Variants in BTF3L4 observed in about 807,000 individuals in gnomAD.
BTF3L4 encodes the protein basic transcription factor 3 like 4.
Under a neutral mutation model 16.8 loss-of-function variants are expected in BTF3L4, and 6 were observed. That is an observed-to-expected ratio of 0.36 (90% CI 0.20 to 0.71). BTF3L4 has a LOEUF of 0.71. Among genes scored for constraint, BTF3L4 ranks in the 30% least tolerant of loss-of-function variants. The probability of loss-of-function intolerance (pLI) is 0.58; values close to 1 mark genes in which losing one functional copy is unlikely to be tolerated. For missense variants in BTF3L4, 92 were observed against 186.9 expected, an observed-to-expected ratio of 0.49 and a Z score of 2.96; for synonymous variants, 39 against 59.8, an observed-to-expected ratio of 0.65 and a Z score of 1.60.
intron 3 of BTF3L4, among the ~76,000 whole-genome samples, chr1:52,082,662 C>G (rs1356330910): frequency 1.3e-5 from 2 of 151,830 alleles, no homozygotes; most frequent in Non-Finnish European, 2.9e-5. Flanking sequence ...TGGTTAGAAC[C>G]TGGGAGGCAG....
intron 3 of BTF3L4, among the ~76,000 whole-genome samples, chr1:52,082,267 T>G (rs1643931435): frequency 6.6e-6 from 1 of 152,170 alleles, no homozygotes; most frequent in African/African-American, 2.4e-5. Context: ...AGGCAATGGA[T>G]GAAATCAAAT....
intron 2 of BTF3L4, among the ~76,000 whole-genome samples, chr1:52,064,503 T>C (rs1053724841): frequency 2.0e-5 from 3 of 152,222 alleles, no homozygotes; most frequent in African/African-American, 4.8e-5. Flanking sequence ...TGTTATAAAG[T>C]ATTTAAATTG....
chr1:52,082,296 G>T (rs1287664973), intron 3 of BTF3L4, among the ~76,000 whole-genome samples: 2 of 152,184 alleles, frequency 1.3e-5, no homozygotes, highest in African/African-American at 4.8e-5. Flanking sequence ...GTTCATATTG[G>T]TGAAAGTTAT....
At chr1:52,076,706 G>A (rs889715989) in intron 3 of BTF3L4, among the ~76,000 whole-genome samples, 4 of 152,146 alleles carry the variant, frequency 2.6e-5, no homozygotes, top group African/African-American at 9.7e-5. Flanking sequence ...CTTAATAATA[G>A]CCATTAGAAA....
intron 3 of BTF3L4, among the ~76,000 whole-genome samples, chr1:52,082,132 A>T (rs529902351): frequency 2.0e-5 from 3 of 152,346 alleles, no homozygotes; most frequent in African/African-American, 7.2e-5. Context: ...TAGTGGAATC[A>T]CGTTATTCAC....
At position 52,089,290 on chromosome 1, in the gene BTF3L4, C is replaced by G. The variant is rs2124453644; in HGVS notation, c.*2532C>G. On this transcript the variant is annotated 3_prime_UTR_variant, in exon 6 of 6. Transcript: ENST00000313334. ...GTATTCCCTTTTATTGTATTGATAA[C>G]AATTCTTAATGGCTGGCCTCTCTTG... The G allele has an allele frequency of 6.6e-6, 1 of 152,168 alleles. No homozygotes were observed. The highest frequency in any genetic ancestry group is 2.1e-4 in the South Asian group (1 of 4,826). 9.4% of individuals were successfully genotyped at this position (152,168 alleles called of 1,614,324 possible). A position where few individuals can be genotyped will look rare whatever the true frequency, so the allele number is the denominator to read the frequency against.
At chr1:52,075,376 C>T (rs979071792) in intron 3 of BTF3L4, among the ~76,000 whole-genome samples, 5 of 150,604 alleles carry the variant, frequency 3.3e-5, no homozygotes, top group Non-Finnish European at 7.4e-5. Context: ...AAAAATTAGC[C>T]GGGCGTGGTG....
intron 2 of BTF3L4, among the ~76,000 whole-genome samples, chr1:52,062,991 G>C (rs1227078435): frequency 6.6e-6 from 1 of 152,208 alleles, no homozygotes; most frequent in Non-Finnish European, 1.5e-5. Flanking sequence ...TGGCTGTGGA[G>C]CCCAAGCAGT....
At chr1:52,068,391 TGAG>T (rs1356521967) in intron 3 of BTF3L4, among the ~76,000 whole-genome samples, 2 of 152,204 alleles carry the variant, frequency 1.3e-5, no homozygotes, top group Non-Finnish European at 2.9e-5. Flanking sequence ...TACGATCTGG[TGAG>T]GAGACTAATT....
chr1:52,072,023 T>TG (rs1264216319), intron 3 of BTF3L4, among the ~76,000 whole-genome samples: 1 of 142,592 alleles, frequency 7.0e-6, no homozygotes, highest in Non-Finnish European at 1.5e-5. Flanking sequence ...AGCCAGGGTT[T>TG]TTTTTTGTTT....
intron 2 of BTF3L4, among the ~76,000 whole-genome samples, chr1:52,062,156 G>A (rs2992180): frequency 0.99 from 141,655 of 143,164 alleles, 70,097 homozygotes; most frequent in Middle Eastern, 1. Context: ...AGCCAGGATG[G>A]TCTTGCTTGA....
At chr1:52,073,493 T>TACACACACACACACACACACAC (rs142147737) in intron 3 of BTF3L4, among the ~76,000 whole-genome samples, 1 of 139,272 alleles carries the variant, frequency 7.2e-6, no homozygotes, top group South Asian at 2.4e-4. Context: ...ATATGCTACA[T>TACACACACACACACACACACAC]ACACACACAC....
intron 2 of BTF3L4, among the ~76,000 whole-genome samples, chr1:52,064,092 G>A (rs1243652218): frequency 1.3e-5 from 2 of 152,024 alleles, no homozygotes; most frequent in Non-Finnish European, 2.9e-5. Context: ...TTCCTCTTCC[G>A]TTCCCATTAT....
intron 3 of BTF3L4, among the ~76,000 whole-genome samples, chr1:52,082,947 C>A (rs1356880865): frequency 6.6e-6 from 1 of 151,942 alleles, no homozygotes. Context: ...AAGATGCTAC[C>A]CTGCCAAGTG....
intron 4 of BTF3L4, among the ~76,000 whole-genome samples, chr1:52,084,057 T>C (rs148288867): frequency 1.0e-3 from 156 of 151,802 alleles, no homozygotes; most frequent in Non-Finnish European, 2.0e-3. Flanking sequence ...AACATTTTGG[T>C]AGTAATAATA....
intron 3 of BTF3L4, among the ~76,000 whole-genome samples, chr1:52,068,517 G>A (rs978361200): frequency 6.6e-6 from 1 of 152,156 alleles, no homozygotes; most frequent in Admixed American, 6.5e-5. Flanking sequence ...AGAGAGTTAG[G>A]TGCCTACCTA....
At chr1:52,082,611 T>G (rs967171463) in intron 3 of BTF3L4, among the ~76,000 whole-genome samples, 11 of 152,012 alleles carry the variant, frequency 7.2e-5, no homozygotes, top group Non-Finnish European at 1.6e-4. Flanking sequence ...GGCATGTGCC[T>G]CTCATCTCAG....
intron 3 of BTF3L4, among the ~76,000 whole-genome samples, chr1:52,067,042 G>T (rs1686669402): frequency 6.6e-6 from 1 of 151,988 alleles, no homozygotes; most frequent in Non-Finnish European, 1.5e-5. Flanking sequence ...TTTGAGACCA[G>T]CCTGGCCAAC....
intron 3 of BTF3L4, among the ~76,000 whole-genome samples, chr1:52,066,562 G>A (rs1232210713): frequency 4.0e-5 from 6 of 151,086 alleles, no homozygotes; most frequent in East Asian, 2.0e-4. Flanking sequence ...AAATTTAACC[G>A]GCCGGGTGCG....
Sources: gnomAD v4.1 joint callset for allele counts (sites outside exome capture counted in the v4.1 genomes callset) on GRCh38, gnomAD v4.1.1 for gene constraint, MANE v1.5 for transcripts, NCBI Gene and HGNC (gene_info 2026-07-23, HGNC 2026-07-21) for gene names.